The following MDC1 variants were observed in gnomAD, a reference collection of about 807,000 sequenced individuals.
MDC1 encodes the protein mediator of DNA damage checkpoint protein 1.
Under a neutral mutation model 142.5 loss-of-function variants are expected in MDC1, and 81 were observed. The observed-to-expected ratio is 0.57, with a 90% CI of 0.47 to 0.68. The LOEUF is 0.68. Among genes scored for constraint, MDC1 ranks in the 30% least tolerant of loss-of-function variants. MDC1 has a pLI of 0.00. For synonymous variants in MDC1, 797 were observed against 968.4 expected (o/e 0.82, Z 3.29); for missense variants, 2,119 against 2,547.9 (o/e 0.83, Z 3.62).
chr6:30,701,091 GA>G (rs572265551), intron 14 of MDC1, among the ~76,000 whole-genome samples: 55 of 129,664 alleles, frequency 4.2e-4, no homozygotes, highest in Admixed American at 5.5e-4. Context: ...AAAAAAAAAA[GA>G]AAAAAAAAAA....
Position 30,715,081 on chromosome 6 carries a change from C to T in MDC1, c.95G>A (p.Gly32Glu). Residue 32 changes from glycine to glutamate, a missense_variant, in exon 2 of 15, where the codon GGG (glycine) becomes GAG (glutamate). Gly to Glu is a moderately conservative substitution (Grantham distance 98, BLOSUM62 -2). Coordinates refer to ENST00000376406, the MANE Select transcript of MDC1 (RefSeq NM_014641.3). The surrounding 1 kb of genome is among the most constrained non-coding windows in gnomAD (Gnocchi z 4.1). ...GGCACCACTAAAGATATGTAGCCGC[C>T]CTACTGGCTCCACGTTACACCTCAA... Reference protein sequence around the residue: ...ESLRCNVEPVGRLHIFSGAHG... With the variant: ...ESLRCNVEPVERLHIFSGAHG... 1 of 1,614,198 alleles carries T rather than the reference C, an allele frequency of 6.2e-7. No homozygotes were observed.
At position 30,708,263 on chromosome 6, in the gene MDC1, A is replaced by C. The variant is rs751904939; in HGVS notation, c.2316T>G (p.Leu772=). ...GAGACAGGCAAGGTCCATAGGCCTC[A>C]AGGTGCGTGTCAAAAGGCTGGGTCT... ...DSETQPFDTH[L]EAYGPCLSPP... The change falls in exon 8 of 15, where the codon CTT becomes CTG. Residue 772 remains leucine, a synonymous_variant. Transcript: ENST00000376406. The C allele has an allele frequency of 2.7e-5, 43 of 1,612,876 alleles. No homozygotes were observed. The South Asian group carries it at 3.7e-4, about 14-fold the overall frequency.
Position 30,707,711 on chromosome 6 carries a change from C to T in MDC1, c.2868G>A (p.Gln956=), listed in dbSNP as rs1425437875. Reference sequence around the variant, plus strand: ...GGCTGGAGGCCTGCCCTTTCTGGTCCTGGCTCCCTCCCTCTGGCTCCCCTC... The same window carrying T: ...GGCTGGAGGCCTGCCCTTTCTGGTCTTGGCTCCCTCCCTCTGGCTCCCCTC... ...TQRGEPEGGS[Q]DQKGQASSPT... Residue 956 remains glutamine (Q), a synonymous_variant, in exon 8 of 15, where the codon CAG becomes CAA. Coordinates refer to ENST00000376406, the MANE Select transcript of MDC1 (RefSeq NM_014641.3). The T allele has an allele frequency of 1.2e-5, 20 of 1,613,002 alleles. No individual in the cohort carries two copies. Among genetic ancestry groups the T allele is most frequent in the Non-Finnish European group, 1.6e-5 (19 of 1,180,054 alleles).
rs28986317 is a variant in MDC1, at chr6:30,704,212, G to A, written c.4971C>T (p.Ala1657=). The A allele has an allele frequency of 6.2e-7, 1 of 1,613,810 alleles. No individual in the cohort carries two copies. The highest frequency in any genetic ancestry group is 1.1e-5 in the South Asian group (1 of 91,044). Residue 1657 remains alanine, a synonymous_variant, in exon 10 of 15, where the codon GCC becomes GCT. Transcript: ENST00000376406. ...TGGGGGTAAAAGGCTCAAGATCAGA[G>A]GCTGCTGGTTCAACTGGTTTGGGAG... The part of the protein sequence containing the change: ...VKTPKPVEPA[A]SDLEPFTPTD...
Position 30,714,053 on chromosome 6 carries a change from G to C in MDC1, c.267C>G (p.Leu89=). The C allele has an allele frequency of 6.2e-7, 1 of 1,612,990 alleles. No individual in the cohort carries two copies. The highest frequency in any genetic ancestry group is 8.5e-7 in the Non-Finnish European group (1 of 1,180,022). ...TACCATTAAGGCTCCCACAGTCTCGGAGGATAGGTGCCTTGTCCCAGGCTA... is the reference window on the plus strand; with the variant it reads ...TACCATTAAGGCTCCCACAGTCTCGCAGGATAGGTGCCTTGTCCCAGGCTA... ...EILAWDKAPI[L]RDCGSLNGTQ... The change falls in exon 3 of 15, where the codon CTC becomes CTG. Residue 89 remains leucine (L), a synonymous_variant. Transcript: ENST00000376406.
In MDC1 at chr6:30,700,215, A is replaced by T; in HGVS notation, c.*250T>A. 1 of 390,368 alleles carries T rather than the reference A, an allele frequency of 2.6e-6. No individual in the cohort carries two copies. The highest frequency in any genetic ancestry group is 4.5e-6 in the Non-Finnish European group (1 of 220,858). The allele number at this position is 390,368 out of a possible 1,614,324, so 24.2% of individuals were successfully genotyped here. A position where few individuals can be genotyped will look rare whatever the true frequency, so the allele number is the denominator to read the frequency against. ...CATGTAAGAAATCTTGTATCCCCTA[A>T]ATCTATACAAATAAAAAACTATAAA... is the stretch of plus-strand genomic sequence containing the variant. On this transcript the variant is annotated 3_prime_UTR_variant, in exon 15 of 15. Coordinates refer to ENST00000376406, the MANE Select transcript of MDC1 (RefSeq NM_014641.3).
At position 30,703,741 on chromosome 6, in the gene MDC1, A is replaced by G; in HGVS notation, c.5442T>C (p.Ser1814=). ...GTGGTGGTGAATCCATGGTAGCTAA[A>G]GACCTCTTGCGGCTTTGAGAGGCCT... ...QPKASQSRKR[S]LATMDSPPHQ... The change falls in exon 10 of 15, where the codon TCT becomes TCC. Residue 1814 remains serine (S), a synonymous_variant. Coordinates refer to ENST00000376406, the MANE Select transcript of MDC1 (RefSeq NM_014641.3). This position sits in a 1 kb window ranked among gnomAD's most constrained non-coding sequence, Gnocchi z 4.4. 6.5e-7 allele frequency: 1 copy of G among 1,544,846 alleles called. No individual in the cohort carries two copies. The highest frequency in any genetic ancestry group is 8.7e-7 in the Non-Finnish European group (1 of 1,149,988).
chr6:30,709,517 G>A lies in MDC1; in HGVS notation c.2222-1160C>T, dbSNP rs545659206. On this transcript the variant is annotated intron_variant, in intron 7 of 14. Coordinates refer to ENST00000376406, the MANE Select transcript of MDC1 (RefSeq NM_014641.3). The surrounding 1 kb of genome is among the most constrained non-coding windows in gnomAD (Gnocchi z 4.2). ...CAAACATTTATCATTTCTTTGTCTT[G>A]GAAACATATCAAATCTCTTCTAGCT... Among the ~76,000 whole-genome samples the A allele has an allele frequency of 6.6e-6, 1 of 152,100 alleles. No homozygotes were observed. Among genetic ancestry groups the A allele is most frequent in the East Asian group, 1.9e-4 (1 of 5,178 alleles).
rs9295905 is a variant in MDC1 at position 30,705,712 on chromosome 6, G to A, written c.3471C>T (p.Thr1157=). The A allele has an allele frequency of 6.2e-7, 1 of 1,612,922 alleles. No individual in the cohort carries two copies. Among genetic ancestry groups the A allele is most frequent in the Non-Finnish European group, 8.5e-7 (1 of 1,179,616 alleles). ...GGGCTGTGGGGACAACTGGTTCAGG[G>A]GTCTTGACAGAGGACCTATTTGTCC... The part of the protein sequence containing the change: ...RSRTNRSSVK[T]PEPVVPTAPE... The change falls in exon 10 of 15, where the codon ACC becomes ACT. Residue 1157 remains threonine (T), a synonymous_variant. Coordinates refer to ENST00000376406, the MANE Select transcript of MDC1 (RefSeq NM_014641.3).
Position 30,705,542 on chromosome 6 carries a change from G to T in MDC1, c.3641C>A (p.Ser1214Tyr). The T allele has an allele frequency of 6.2e-7, 1 of 1,607,256 alleles. No individual in the cohort carries two copies. Among genetic ancestry groups the T allele is most frequent in the Non-Finnish European group, 8.5e-7 (1 of 1,176,856 alleles). The change falls in exon 10 of 15, where the codon TCC (serine) becomes TAC (tyrosine). Residue 1214 changes from serine to tyrosine, a missense_variant. Transcript: ENST00000376406. ...PTALELQPST[S>Y]TDRPVTSEPT... ...TTCAGAGGTGACAGGTCGGTCGGTG[G>T]AGGTGGAAGGCTGGAGCTCAAGGGC...
rs1209610341 is a variant in MDC1, at chr6:30,712,780, C to T, written c.1162G>A (p.Ala388Thr). Reference protein sequence around the residue: ...TDVEEGKAPQAVPLEKSQASM... With the variant: ...TDVEEGKAPQTVPLEKSQASM... ...GCTTGGCTTTTCTCCAGAGGGACAG[C>T]CTGTGGGGCCTTGCCTTCTTCCACA... Residue 388 changes from alanine (A) to threonine (T), a missense_variant, in exon 5 of 15, where the codon GCT (alanine) becomes ACT (threonine). Physicochemically the swap from Ala to Thr is moderately conservative, Grantham distance 58 (BLOSUM62 0). Transcript: ENST00000376406. The surrounding 1 kb of genome is among the most constrained non-coding windows in gnomAD (Gnocchi z 4.7). The T allele has an allele frequency of 6.2e-7, 1 of 1,613,020 alleles. No homozygotes were observed. Among genetic ancestry groups the T allele is most frequent in the Non-Finnish European group, 8.5e-7 (1 of 1,179,990 alleles).
In MDC1 at chr6:30,711,671, C is replaced by T; in HGVS notation, c.2124G>A (p.Leu708=). 1 of 1,612,970 alleles carries T rather than the reference C, an allele frequency of 6.2e-7. No individual in the cohort carries two copies. ...AAATAACACAGAAGTCCTCACCTTC[C>T]AGGCCCTGATTCTCCAGAAAGCACT... The part of the protein sequence containing the change: ...ATQCFLENQG[L]EAVQSMEDEP... The change falls in exon 6 of 15, where the codon CTG becomes CTA. Residue 708 remains leucine (L), a synonymous_variant. Coordinates refer to ENST00000376406, the MANE Select transcript of MDC1 (RefSeq NM_014641.3).
At position 30,700,274 on chromosome 6, in the gene MDC1, A is replaced by G; in HGVS notation, c.*191T>C. On this transcript the variant is annotated 3_prime_UTR_variant, in exon 15 of 15. Coordinates refer to ENST00000376406, the MANE Select transcript of MDC1 (RefSeq NM_014641.3). ...AAATAAAATGGCCATTAAAAAAACA[A>G]ACAAACAAACAAAAAACAACCTGTG... 1 of 488,364 alleles carries G rather than the reference A, an allele frequency of 2.0e-6. No homozygotes were observed. Among genetic ancestry groups the G allele is most frequent in the East Asian group, 3.2e-5 (1 of 31,474 alleles). The allele number at this position is 488,364 out of a possible 1,614,324, so 30.3% of individuals were successfully genotyped here. A position where few individuals can be genotyped will look rare whatever the true frequency, so the allele number is the denominator to read the frequency against.
rs1773349706 is a variant in MDC1, at chr6:30,704,463, T to C, written c.4720A>G (p.Ile1574Val). ...GTGGAAGGCTGAAGCTCAGGGGCTA[T>C]AGGGACAATTGATTCAGGGGTCTTG... ...SVKTPESIVP[I>V]APELQPSTSR... Residue 1574 changes from isoleucine to valine, a missense_variant, in exon 10 of 15, where the codon ATA becomes GTA. Physicochemically the swap from Ile to Val is conservative, Grantham distance 29. Coordinates refer to ENST00000376406, the MANE Select transcript of MDC1 (RefSeq NM_014641.3). 1.2e-6 allele frequency: 2 copies of C among 1,611,178 alleles called. No individual in the cohort carries two copies. Among genetic ancestry groups the C allele is most frequent in the African/African-American group, 1.3e-5 (1 of 74,232 alleles).
chr6:30,708,067 G>GT lies in MDC1; in HGVS notation c.2511dup (p.Leu838ThrfsTer30). ...ACATCTGTCTGTCTTTCTGGTAGCA[G>GT]TTTCTCAGTTTCTCTCTCCAATGGC... On this transcript the variant is annotated frameshift_variant, in exon 8 of 15. Transcript: ENST00000376406. LOFTEE classifies it high-confidence loss of function. 1 of 1,613,008 alleles carries GT rather than the reference G, an allele frequency of 6.2e-7. No individual in the cohort carries two copies. The highest frequency in any genetic ancestry group is 8.5e-7 in the Non-Finnish European group (1 of 1,180,034).
At chr6:30,710,813 G>C (rs1183176210) in intron 7 of MDC1, among the ~76,000 whole-genome samples, 5 of 148,322 alleles carry the variant, frequency 3.4e-5, no homozygotes, top group East Asian at 1.9e-4. Context: ...AGAGACATTG[G>C]GGGTGGGGGT....
At chr6:30,701,749 A>G (rs1772727924) in intron 14 of MDC1, among the ~76,000 whole-genome samples, 1 of 152,234 alleles carries the variant, frequency 6.6e-6, no homozygotes. Flanking sequence ...GAGTGTGAGC[A>G]AATGACCAAT....
At chr6:30,714,326 GAA>G in intron 2 of MDC1, 143 bp from the exon 3 acceptor site, 1 of 865,022 alleles carries the variant, frequency 1.2e-6, no homozygotes, top group Non-Finnish European at 1.7e-6. Flanking sequence ...TCTAGGCACT[GAA>G]AGAGTATATG....
In MDC1 at chr6:30,702,830, G is replaced by A. The variant is rs140061594; in HGVS notation, c.5913C>T (p.Thr1971=). 4.5e-4 allele frequency: 723 copies of A among 1,613,062 alleles called. 2 individuals carry two copies. In the African/African-American group the frequency reaches 8.0e-3, roughly 18 times the overall value. ...FFLPPDEYVV[T]DPEQEKNFGF... The stretch of plus-strand genomic sequence containing the variant: ...CAAAGTTCTTCTCTTGCTCAGGGTC[G>A]GTCACCACATATTCATCCGGGGGTA... Residue 1971 remains threonine (T), a synonymous_variant, in exon 13 of 15, where the codon ACC becomes ACT. Transcript: ENST00000376406.
Sources: gnomAD v4.1 joint callset for allele counts (sites outside exome capture counted in the v4.1 genomes callset) on GRCh38, gnomAD v4.1.1 for gene constraint, Gnocchi (gnomAD v3.1) non-coding constraint, MANE v1.5 for transcripts, NCBI Gene and HGNC (gene_info 2026-07-23, HGNC 2026-07-21) for gene names.